The following CPEB3 variants were observed in gnomAD, a reference collection of about 807,000 sequenced individuals.
CPEB3 encodes cytoplasmic polyadenylation element binding protein 3.
In CPEB3, 20 loss-of-function variants were observed where a neutral mutation model predicts 67.2. That is an observed-to-expected ratio of 0.30 (90% CI 0.21 to 0.43). The LOEUF is 0.43. CPEB3 is among the 20% of genes least tolerant of loss of function. The probability of loss-of-function intolerance (pLI) is 1.00; values close to 1 mark genes in which losing one functional copy is unlikely to be tolerated. For missense variants in CPEB3, 746 were observed against 968.6 expected (o/e 0.77, Z 3.05); for synonymous variants, 376 against 393.1 (o/e 0.96, Z 0.51).
intron 9 of CPEB3, among the ~76,000 whole-genome samples, chr10:92,052,887 G>A (rs909399285): frequency 6.6e-6 from 1 of 152,190 alleles, no homozygotes; most frequent in Admixed American, 6.5e-5. Context: ...AGAGGAAGCA[G>A]CCAGGACAAA....
intron 1 of CPEB3, among the ~76,000 whole-genome samples, chr10:92,242,662 A>G (rs556948351): frequency 1.1e-4 from 16 of 152,288 alleles, no homozygotes; most frequent in African/African-American, 3.6e-4. Context: ...TAATGCCTTC[A>G]GTTTAAACTA....
intron 4 of CPEB3, among the ~76,000 whole-genome samples, chr10:92,161,624 G>C (rs894042109): frequency 3.3e-5 from 5 of 151,414 alleles, no homozygotes; most frequent in African/African-American, 1.2e-4. Context: ...TACTACCTTG[G>C]TCCTGTTATA....
intron 9 of CPEB3, among the ~76,000 whole-genome samples, chr10:92,070,856 A>G (rs910834002): frequency 1.4e-5 from 2 of 144,370 alleles, no homozygotes; most frequent in Non-Finnish European, 3.1e-5. Context: ...ACAGGTTTAA[A>G]AAAAAAAAAA....
chr10:92,262,118 C>T (rs758448058), intron 1 of CPEB3, among the ~76,000 whole-genome samples: 5 of 152,114 alleles, frequency 3.3e-5, no homozygotes, highest in Non-Finnish European at 7.4e-5. Flanking sequence ...TAGATATATG[C>T]ACCAAATGTC....
intron 6 of CPEB3, among the ~76,000 whole-genome samples, chr10:92,127,881 A>AAACACTTCAAAGTACAAGACTCAT (rs1845673619): frequency 6.6e-6 from 1 of 151,822 alleles, no homozygotes; most frequent in Non-Finnish European, 1.5e-5. Context: ...AAAAGACTTA[A>AAACACTTCAAAGTACAAGACTCAT]AACACTTCAA....
chr10:92,158,462 A>G (rs1425790748), intron 4 of CPEB3, among the ~76,000 whole-genome samples: 2 of 152,160 alleles, frequency 1.3e-5, no homozygotes, highest in African/African-American at 4.8e-5. Flanking sequence ...AAATAACTAA[A>G]AACTGTACCA....
rs558632705 is a variant in CPEB3 at position 92,224,945 on chromosome 10, A to T, written c.1005+14401T>A. Among the ~76,000 whole-genome samples, 486 of 148,178 alleles carry T rather than the reference A, an allele frequency of 3.3e-3. 3 individuals are homozygous for T. The highest frequency in any genetic ancestry group is 4.7e-3 in the Non-Finnish European group (318 of 67,236). Reference sequence around the variant, plus strand: ...TAATTTACATATTATATATAAATTTAAAAAAATGAACCCTACCCCATTTTC... The same window carrying T: ...TAATTTACATATTATATATAAATTTTAAAAAATGAACCCTACCCCATTTTC... On this transcript the variant is annotated intron_variant, in intron 2 of 9. Coordinates refer to ENST00000265997, the MANE Select transcript of CPEB3 (RefSeq NM_014912.5).
chr10:92,106,814 C>CAAAAAAAAAAA (rs531195477), intron 7 of CPEB3, among the ~76,000 whole-genome samples: 69 of 55,964 alleles, frequency 1.2e-3, no homozygotes, highest in African/African-American at 4.3e-3. Flanking sequence ...GACTCTGTCT[C>CAAAAAAAAAAA]AAAAAAAAAA....
chr10:92,083,771 A>G (rs1564764012), intron 8 of CPEB3, among the ~76,000 whole-genome samples: 1 of 152,340 alleles, frequency 6.6e-6, no homozygotes, highest in East Asian at 1.9e-4. Context: ...CACGATAGGA[A>G]GGACTCAATA....
At chr10:92,285,991 A>G (rs1288035263) in intron 1 of CPEB3, among the ~76,000 whole-genome samples, 3 of 148,970 alleles carry the variant, frequency 2.0e-5, no homozygotes, top group East Asian at 3.9e-4. Context: ...GCTGGAGTGC[A>G]GTGGTACAAT....
intron 8 of CPEB3, among the ~76,000 whole-genome samples, chr10:92,087,184 G>T (rs1214438698): frequency 2.6e-5 from 4 of 152,078 alleles, no homozygotes; most frequent in Non-Finnish European, 4.4e-5. Context: ...GAAAAATTCA[G>T]GATATATGTT....
chr10:92,155,957 T>TA (rs1435540519), intron 4 of CPEB3, among the ~76,000 whole-genome samples: 2 of 152,142 alleles, frequency 1.3e-5, no homozygotes, highest in Non-Finnish European at 2.9e-5. Context: ...AGATAATTTT[T>TA]AAAAATATGA....
intron 7 of CPEB3, among the ~76,000 whole-genome samples, chr10:92,104,728 G>A (rs991087761): frequency 6.6e-6 from 1 of 151,848 alleles, no homozygotes; most frequent in African/African-American, 2.4e-5. Context: ...AGAAAATACA[G>A]CTTCCAAAGA....
chr10:92,252,094 T>C (rs1852327472), intron 1 of CPEB3, among the ~76,000 whole-genome samples: 1 of 151,332 alleles, frequency 6.6e-6, no homozygotes, highest in South Asian at 2.1e-4. Context: ...TATAAAGGAC[T>C]CCTACAAATC....
At position 92,240,049 on chromosome 10, in the gene CPEB3, G is replaced by A. The variant is rs912023012; in HGVS notation, c.302C>T (p.Ala101Val). 5 of 1,596,918 alleles carry A rather than the reference G, an allele frequency of 3.1e-6. No individual in the cohort carries two copies. The highest frequency in any genetic ancestry group is 4.3e-6 in the Non-Finnish European group (5 of 1,171,902). The change falls in exon 2 of 10, where the codon GCG becomes GTG. Residue 101 changes from alanine to valine, a missense_variant. Ala to Val is a moderately conservative substitution (Grantham distance 64). Transcript: ENST00000265997. ...PPPQEPAAPG[A>V]SLSPSFGSTW... is the part of the protein sequence containing the mutation. ...GCTGCCGAAGGACGGCGACAGCGAC[G>A]CGCCCGGTGCCGCGGGCTCCTGAGG... is the stretch of plus-strand genomic sequence containing the variant.
intron 2 of CPEB3, among the ~76,000 whole-genome samples, chr10:92,204,599 G>A (rs1211718297): frequency 1.3e-5 from 2 of 152,092 alleles, no homozygotes; most frequent in African/African-American, 2.4e-5. Flanking sequence ...CCAAGTTCAT[G>A]GTCTGGGACC....
intron 6 of CPEB3, chr10:92,119,133 T>C (rs1845200748): frequency 6.3e-7 from 1 of 1,585,406 alleles, no homozygotes; most frequent in Admixed American, 1.7e-5. Context: ...GTTCTTACTG[T>C]GTTGTCCTCT....
intron 7 of CPEB3, among the ~76,000 whole-genome samples, chr10:92,105,721 T>C (rs1175935159): frequency 6.8e-6 from 1 of 146,072 alleles, no homozygotes; most frequent in Admixed American, 6.8e-5. Context: ...GTGGGTTTTT[T>C]TTTTTTTTTT....
intron 9 of CPEB3, among the ~76,000 whole-genome samples, chr10:92,075,427 G>A (rs1361441824): frequency 6.6e-6 from 1 of 152,012 alleles, no homozygotes; most frequent in Non-Finnish European, 1.5e-5. Flanking sequence ...ATGAAATACG[G>A]GATGATTAAA....
Sources: gnomAD v4.1 joint callset for allele counts (sites outside exome capture counted in the v4.1 genomes callset) on GRCh38, gnomAD v4.1.1 for gene constraint, MANE v1.5 for transcripts, NCBI Gene and HGNC (gene_info 2026-07-23, HGNC 2026-07-21) for gene names.